The following ZFHX3 variants were observed in gnomAD, a reference collection of about 807,000 sequenced individuals.
The protein encoded by ZFHX3 is zinc finger homeobox protein 3.
In ZFHX3, 42 loss-of-function variants were observed where a neutral mutation model predicts 279.1. The observed-to-expected ratio is 0.15, with a 90% CI of 0.12 to 0.19. The LOEUF (loss-of-function observed/expected upper bound fraction) is 0.19. ZFHX3 is among the 10% of genes least tolerant of loss of function. The pLI is 1.00. For synonymous variants in ZFHX3, 2,293 were observed against 1,957.8 expected, an observed-to-expected ratio of 1.17 and a Z score of -4.52; for missense variants, 4,981 against 4,754.0, an observed-to-expected ratio of 1.05 and a Z score of -1.40.
At chr16:73,534,031 T>C (rs1291157278) in intron 2 of ZFHX3, among the ~76,000 whole-genome samples, 1 of 152,166 alleles carries the variant, frequency 6.6e-6, no homozygotes, top group Non-Finnish European at 1.5e-5. Context: ...GGTGAGATCA[T>C]GTTACTCCTC....
chr16:73,241,279 A>G (rs552241831), intron 5 of ZFHX3, among the ~76,000 whole-genome samples: 1 of 152,114 alleles, frequency 6.6e-6, no homozygotes, highest in Admixed American at 6.6e-5. Flanking sequence ...TCATATGGAA[A>G]GCAGCTGCTT....
intron 2 of ZFHX3, among the ~76,000 whole-genome samples, chr16:73,576,864 C>T (rs1201334352): frequency 6.6e-6 from 1 of 152,108 alleles, no homozygotes; most frequent in Non-Finnish European, 1.5e-5. Context: ...TTCTCTGCTC[C>T]TCTCTCTCCT....
chr16:73,558,880 CTTTT>C (rs1167175673), intron 2 of ZFHX3, among the ~76,000 whole-genome samples: 2 of 130,036 alleles, frequency 1.5e-5, no homozygotes, highest in Non-Finnish European at 3.3e-5. Context: ...GCCCAGCTCA[CTTTT>C]TTTTATTTTT....
At position 73,267,452 on chromosome 16, in the gene ZFHX3, G is replaced by C. The variant is rs552407819; in HGVS notation, c.-1193-10316C>G. Among the ~76,000 whole-genome samples, 18 of 152,220 alleles carry C rather than the reference G, an allele frequency of 1.2e-4. 1 individual carries two copies. Among genetic ancestry groups the C allele is most frequent in the Non-Finnish European group, 1.5e-4 (10 of 68,006 alleles). ...TTGGGCATATGGAGTCGTCCCTGATGATGACTAACCAGGCTCAGATCTGTA... is the reference window on the plus strand; with the variant it reads ...TTGGGCATATGGAGTCGTCCCTGATCATGACTAACCAGGCTCAGATCTGTA... On this transcript the variant is annotated intron_variant, in intron 4 of 17. Transcript: ENST00000641206.
intron 4 of ZFHX3, among the ~76,000 whole-genome samples, chr16:72,874,233 G>A (rs1188059188): frequency 2.8e-5 from 3 of 108,588 alleles, no homozygotes; most frequent in African/African-American, 1.4e-4. Context: ...TTTTGAGACA[G>A]TCTCACTCTG....
chr16:73,833,076 AG>A (rs1961042153), intron 1 of ZFHX3, among the ~76,000 whole-genome samples: 1 of 152,226 alleles, frequency 6.6e-6, no homozygotes. Flanking sequence ...ATAGGCTTCT[AG>A]CAATTATTTC....
intron 1 of ZFHX3, among the ~76,000 whole-genome samples, chr16:73,890,122 TACTGGCAGGC>T (rs2030480134): frequency 6.6e-6 from 1 of 151,974 alleles, no homozygotes; most frequent in Admixed American, 6.6e-5. Context: ...GGAGAAAACT[TACTGGCAGGC>T]AGAGCGAATT....
chr16:73,061,065 CCT>C (rs1427494866), upstream of ZFHX3: 1 of 152,182 alleles, frequency 6.6e-6, no homozygotes, highest in African/African-American at 2.4e-5. Flanking sequence ...TCAGGGGTTT[CCT>C]CTCTGTGAGC....
chr16:73,565,141 C>A (rs2020431637), intron 2 of ZFHX3, among the ~76,000 whole-genome samples: 1 of 151,946 alleles, frequency 6.6e-6, no homozygotes, highest in Non-Finnish European at 1.5e-5. Flanking sequence ...GTAGTCCCAG[C>A]TATTCGGGAG....
intron 4 of ZFHX3, among the ~76,000 whole-genome samples, chr16:73,296,877 A>ATGTTT (rs755308796): frequency 6.9e-5 from 8 of 116,066 alleles, no homozygotes; most frequent in East Asian, 2.2e-4. Flanking sequence ...TGAAGCAGGA[A>ATGTTT]TTTTTTTTTT....
chr16:73,651,680 C>CAAAAAAAAA (rs57386925), intron 2 of ZFHX3, among the ~76,000 whole-genome samples: 1 of 41,668 alleles, frequency 2.4e-5, no homozygotes, highest in Non-Finnish European at 4.9e-5. Context: ...ACTAAAAATA[C>CAAAAAAAAA]AAAAAAAAAA....
chr16:73,415,951 C>T (rs1202153874), intron 3 of ZFHX3, among the ~76,000 whole-genome samples: 2 of 152,014 alleles, frequency 1.3e-5, no homozygotes, highest in Non-Finnish European at 2.9e-5. Flanking sequence ...GAAACCCCAT[C>T]TCTACTAAAA....
intron 4 of ZFHX3, among the ~76,000 whole-genome samples, chr16:73,294,496 T>C (rs1177524076): frequency 1.3e-5 from 2 of 152,190 alleles, no homozygotes; most frequent in East Asian, 1.9e-4. Flanking sequence ...AAGAAGATGG[T>C]GCTCAGTAAC....
intron 3 of ZFHX3, among the ~76,000 whole-genome samples, chr16:73,393,575 A>G (rs568882304): frequency 2.0e-5 from 3 of 152,330 alleles, no homozygotes; most frequent in South Asian, 2.1e-4. Flanking sequence ...GAGAAAATCA[A>G]GTTGCTACTG....
intron 5 of ZFHX3, among the ~76,000 whole-genome samples, chr16:73,242,570 A>C (rs923321628): frequency 4.2e-4 from 64 of 152,354 alleles, no homozygotes; most frequent in African/African-American, 1.4e-3. Flanking sequence ...GGATCACAGA[A>C]GCTACAGAAG....
intron 1 of ZFHX3, among the ~76,000 whole-genome samples, chr16:72,980,046 A>G (rs1962520623): frequency 6.6e-6 from 1 of 152,184 alleles, no homozygotes; most frequent in African/African-American, 2.4e-5. Flanking sequence ...CTCTTTGTGG[A>G]GGTAATAATG....
intron 2 of ZFHX3, among the ~76,000 whole-genome samples, chr16:73,593,558 AAAGAAAAGAG>A (rs2052020151): frequency 6.6e-6 from 1 of 151,378 alleles, no homozygotes. Context: ...ATTCAGAAGA[AAAGAAAAGAG>A]AAGAAAAGAA....
chr16:73,307,999 C>A (rs1400121004), intron 4 of ZFHX3, among the ~76,000 whole-genome samples: 75 of 151,816 alleles, frequency 4.9e-4, no homozygotes, highest in Admixed American at 4.9e-3. Context: ...GTGATTTCTG[C>A]AACCTATGCT....
At chr16:73,273,527 G>A (rs1291827666) in intron 4 of ZFHX3, among the ~76,000 whole-genome samples, 6 of 151,992 alleles carry the variant, frequency 3.9e-5, no homozygotes, top group Non-Finnish European at 5.9e-5. Context: ...TACATAATCT[G>A]TCCATTTTTT....
Sources: gnomAD v4.1 joint callset for allele counts (sites outside exome capture counted in the v4.1 genomes callset) on GRCh38, gnomAD v4.1.1 for gene constraint, MANE v1.5 for transcripts, NCBI Gene and HGNC (gene_info 2026-07-23, HGNC 2026-07-21) for gene names.